The following NTM variants were observed in gnomAD, a reference collection of about 807,000 sequenced individuals.
The protein encoded by NTM is IgLON family member 2.
A neutral mutation model predicts 42.1 loss-of-function variants in NTM; 13 were observed. The observed-to-expected ratio is 0.31, with a 90% CI of 0.20 to 0.49. NTM has a LOEUF of 0.49. NTM is among the 20% of genes least tolerant of loss of function. The pLI is 0.99. For synonymous variants in NTM, 187 were observed against 179.2 expected (o/e 1.04, Z -0.35); for missense variants, 373 against 452.8 (o/e 0.82, Z 1.60).
At chr11:132,082,562 A>C (rs1475967612) in intron 2 of NTM, among the ~76,000 whole-genome samples, 1 of 152,242 alleles carries the variant, frequency 6.6e-6, no homozygotes, top group Non-Finnish European at 1.5e-5. Context: ...CCCCCTCTGC[A>C]CAATGACTTG....
intron 1 of NTM, among the ~76,000 whole-genome samples, chr11:131,877,314 C>T (rs1291720151): frequency 6.6e-6 from 1 of 152,174 alleles, no homozygotes; most frequent in Non-Finnish European, 1.5e-5. Context: ...TGGAGTCTCC[C>T]CACGTTGGCT....
intron 1 of NTM, among the ~76,000 whole-genome samples, chr11:131,700,310 C>T (rs139425457): frequency 6.6e-6 from 1 of 152,192 alleles, no homozygotes; most frequent in East Asian, 1.9e-4. Context: ...TATTCAATAC[C>T]TCAAAATCAA....
chr11:131,660,833 C>T (rs2067938440), intron 1 of NTM: 3 of 1,210,674 alleles, frequency 2.5e-6, no homozygotes, highest in African/African-American at 1.6e-5. Context: ...ATAATATTCA[C>T]TCATTGTTAC....
chr11:131,502,316 T>C (rs415055), intron 1 of NTM, among the ~76,000 whole-genome samples: 76,089 of 151,858 alleles, frequency 0.5, 19,769 homozygotes, highest in African/African-American at 0.64. Flanking sequence ...GGACGTGGGA[T>C]CTCACTGGAC....
rs191642828 is a variant in NTM, at chr11:131,388,973, A to G, written c.82+18085A>G. On this transcript the variant is annotated intron_variant, in intron 1 of 8. Transcript: ENST00000683400. ...GTTGCAGTGAGACAAGATCATGCCA[A>G]TGCACTCCAGCCTGGGCGACAAGAG... Among the ~76,000 whole-genome samples the G allele has an allele frequency of 2.2e-3, 326 of 145,430 alleles. 3 individuals are homozygous for G. Among genetic ancestry groups the G allele is most frequent in the African/African-American group, 7.8e-3 (304 of 38,986 alleles).
chr11:132,319,420 T>G (rs2095508905), intron 7 of NTM, among the ~76,000 whole-genome samples: 1 of 152,152 alleles, frequency 6.6e-6, no homozygotes, highest in Non-Finnish European at 1.5e-5. Flanking sequence ...ACTCCCACCC[T>G]AATACTGTGC....
At chr11:131,819,720 T>C (rs1468000281) in intron 1 of NTM, among the ~76,000 whole-genome samples, 1 of 152,184 alleles carries the variant, frequency 6.6e-6, no homozygotes, top group African/African-American at 2.4e-5. Context: ...TCTGGAGCCC[T>C]GCCACCATGG....
At chr11:132,040,391 A>G (rs1479182415) in intron 2 of NTM, among the ~76,000 whole-genome samples, 1 of 152,222 alleles carries the variant, frequency 6.6e-6, no homozygotes, top group East Asian at 1.9e-4. Context: ...GGATTCTAAG[A>G]CACCATTGAA....
intron 5 of NTM, among the ~76,000 whole-genome samples, chr11:132,308,905 AG>A (rs1435365635): frequency 6.6e-6 from 1 of 151,940 alleles, no homozygotes; most frequent in Non-Finnish European, 1.5e-5. Flanking sequence ...AATGAGTGAA[AG>A]CTAGGAAAAC....
At chr11:132,163,657 C>G (rs2074784695) in intron 3 of NTM, among the ~76,000 whole-genome samples, 1 of 152,174 alleles carries the variant, frequency 6.6e-6, no homozygotes, top group African/African-American at 2.4e-5. Flanking sequence ...ACTAAGCTTC[C>G]CCTTATGAGC....
At chr11:132,245,512 C>T (rs1326024271) in intron 4 of NTM, among the ~76,000 whole-genome samples, 1 of 152,038 alleles carries the variant, frequency 6.6e-6, no homozygotes, top group Non-Finnish European at 1.5e-5. Context: ...ATTTTATGCA[C>T]GGTGCCTTTT....
intron 1 of NTM, among the ~76,000 whole-genome samples, chr11:131,583,637 G>A (rs1040099): frequency 0.23 from 34,801 of 152,012 alleles, 4,710 homozygotes; most frequent in South Asian, 0.37. Context: ...CCTAGGAGGT[G>A]CGGATTAATA....
chr11:132,334,924 T>C (rs2136517306), intron 8 of NTM, 122 bp from the exon 9 acceptor site: 1 of 1,460,304 alleles, frequency 6.8e-7, no homozygotes, highest in Non-Finnish European at 9.1e-7. Flanking sequence ...TGGAACACCA[T>C]GTGTTTCACT....
rs371231688 is a variant in NTM, at chr11:131,608,924, G to A, written c.82+238036G>A. Among the ~76,000 whole-genome samples the A allele has an allele frequency of 4.1e-4, 63 of 152,322 alleles. 2 individuals are homozygous for A. Among genetic ancestry groups the A allele is most frequent in the African/African-American group, 1.4e-3 (60 of 41,566 alleles). ...CAAACTTGGAAGCTCGACCCTATAGGCTTTCCTGTGTTTATGCTACTGACA... is the reference window on the plus strand; with the variant it reads ...CAAACTTGGAAGCTCGACCCTATAGACTTTCCTGTGTTTATGCTACTGACA... On this transcript the variant is annotated intron_variant, in intron 1 of 8. Transcript: ENST00000683400.
intron 1 of NTM, among the ~76,000 whole-genome samples, chr11:131,482,417 G>A (rs1953705421): frequency 6.6e-6 from 1 of 152,178 alleles, no homozygotes; most frequent in African/African-American, 2.4e-5. Context: ...AATTGTTTCA[G>A]GTTTTTATTC....
intron 3 of NTM, among the ~76,000 whole-genome samples, chr11:132,190,857 C>CACAGGG (rs1471426948): frequency 6.6e-6 from 1 of 151,862 alleles, no homozygotes; most frequent in Non-Finnish European, 1.5e-5. Flanking sequence ...ATCTTAGAGA[C>CACAGGG]ACAGGGACAC....
In NTM at chr11:131,521,667, T is replaced by C. The variant is rs369235926; in HGVS notation, c.82+150779T>C. On this transcript the variant is annotated intron_variant, in intron 1 of 8. Coordinates refer to ENST00000683400, the MANE Select transcript of NTM (RefSeq NM_001352005.2). ...ACAGCACCAAAACATTCAAGAGGGA[T>C]CCACCTTCATGACCCACACACCTCT... is the stretch of plus-strand genomic sequence containing the variant. 2.2e-4 allele frequency among the ~76,000 whole-genome samples: 34 copies of C among 151,932 alleles called. 1 individual carries two copies. The highest frequency in any genetic ancestry group is 2.2e-3 in the East Asian group (11 of 5,104).
chr11:131,921,421 A>G (rs2138232553), intron 2 of NTM, among the ~76,000 whole-genome samples: 1 of 152,226 alleles, frequency 6.6e-6, no homozygotes, highest in East Asian at 1.9e-4. Flanking sequence ...GGAAGAGGCA[A>G]TGAGGGAAAC....
intron 1 of NTM, among the ~76,000 whole-genome samples, chr11:131,464,392 C>G (rs11222655): frequency 6.6e-6 from 1 of 152,062 alleles, no homozygotes; most frequent in African/African-American, 2.4e-5. Flanking sequence ...AAAGGGGGCC[C>G]CGTCATACAT....
Sources: gnomAD v4.1 joint callset for allele counts (sites outside exome capture counted in the v4.1 genomes callset) on GRCh38, gnomAD v4.1.1 for gene constraint, MANE v1.5 for transcripts, NCBI Gene and HGNC (gene_info 2026-07-23, HGNC 2026-07-21) for gene names.